The following FAM133B variants were observed in gnomAD, a reference collection of about 807,000 sequenced individuals.
FAM133B encodes family with sequence similarity 133 member B, also known as protein FAM133B.
Under a neutral mutation model 46.4 loss-of-function variants are expected in FAM133B, and 25 were observed. The ratio of observed to expected loss-of-function variants is 0.54; its 90% confidence interval spans 0.39 to 0.75. The LOEUF is 0.75. FAM133B is among the 30% of genes least tolerant of loss of function. The probability of loss-of-function intolerance (pLI) is 0.00; values close to 1 mark genes in which losing one functional copy is unlikely to be tolerated. For missense variants in FAM133B, 205 were observed against 277.6 expected (o/e 0.74, Z 1.86); for synonymous variants, 75 against 86.0 (o/e 0.87, Z 0.71).
intron 2 of FAM133B, among the ~76,000 whole-genome samples, chr7:92,579,811 A>G (rs962375171): frequency 1.3e-5 from 2 of 152,196 alleles, no homozygotes; most frequent in African/African-American, 4.8e-5. Flanking sequence ...GATGCCCTGA[A>G]ATCTATCTGA....
intron 8 of FAM133B, among the ~76,000 whole-genome samples, chr7:92,571,548 G>C (rs967501858): frequency 6.6e-6 from 1 of 152,096 alleles, no homozygotes; most frequent in African/African-American, 2.4e-5. Flanking sequence ...CCCCAGTACT[G>C]TAATAGTCAC....
chr7:92,562,804 C>A (rs118170952), intron 10 of FAM133B, among the ~76,000 whole-genome samples: 9,723 of 152,214 alleles, frequency 0.064, 395 homozygotes, highest in Non-Finnish European at 0.087. Context: ...TAAATAGGTA[C>A]ACAGGCATTG....
intron 10 of FAM133B, among the ~76,000 whole-genome samples, chr7:92,565,068 T>C (rs999227572): frequency 2.0e-5 from 3 of 152,124 alleles, no homozygotes; most frequent in African/African-American, 7.2e-5. Flanking sequence ...TTATCAAAGA[T>C]AACAGAAATC....
chr7:92,582,070 G>A (rs958820712), intron 1 of FAM133B, among the ~76,000 whole-genome samples: 7 of 152,048 alleles, frequency 4.6e-5, no homozygotes, highest in African/African-American at 1.4e-4. Flanking sequence ...CCGACGTGGT[G>A]AAACCCTGCC....
intron 3 of FAM133B, among the ~76,000 whole-genome samples, chr7:92,578,635 A>G (rs1794773096): frequency 6.6e-6 from 1 of 152,226 alleles, no homozygotes; most frequent in Non-Finnish European, 1.5e-5. Flanking sequence ...AGCAGCAGGC[A>G]TTATTACTGA....
intron 8 of FAM133B, among the ~76,000 whole-genome samples, chr7:92,571,202 C>A (rs1435659091): frequency 6.6e-6 from 1 of 152,180 alleles, no homozygotes; most frequent in African/African-American, 2.4e-5. Flanking sequence ...TTTTCTCCCA[C>A]CATGTCCAAA....
At chr7:92,577,822 G>T in intron 5 of FAM133B, 105 bp from the exon 6 acceptor site, 1 of 871,494 alleles carries the variant, frequency 1.1e-6, no homozygotes, top group Non-Finnish European at 1.8e-6. Flanking sequence ...CTGAGAAACA[G>T]ATGCCATATT....
At chr7:92,589,940 G>A (rs535879544) in intron 1 of FAM133B, 3 of 444,542 alleles carry the variant, frequency 6.7e-6, no homozygotes, top group Non-Finnish European at 4.1e-6. Context: ...GCGGGGCCAG[G>A]TGTGGGGGGG....
intron 10 of FAM133B, among the ~76,000 whole-genome samples, chr7:92,564,285 G>T (rs1484003029): frequency 1.3e-5 from 2 of 152,120 alleles, no homozygotes; most frequent in Non-Finnish European, 2.9e-5. Flanking sequence ...CACTTCCTCA[G>T]CGAGGATTTC....
chr7:92,577,398 T>C (rs547375495), intron 6 of FAM133B: 4 of 443,374 alleles, frequency 9.0e-6, no homozygotes, highest in Non-Finnish European at 3.9e-6. Context: ...TCTAGTCAAA[T>C]AGCATTTGAT....
rs772277322 is a variant in FAM133B at position 92,581,511 on chromosome 7, A to G, written c.117T>C (p.Pro39=). Residue 39 remains proline (P), a synonymous_variant, in exon 2 of 11, where the codon CCT becomes CCC. Transcript: ENST00000445716. ...TIQDYLNRPR[P]TWEEVKEQLE... is the part of the protein sequence containing the mutation. ...GTAAAGTGTTTCACAAATACCAGGT[A>G]GGCCTTGGTCGATTCAGATAATCCT... The G allele has an allele frequency of 6.2e-7, 1 of 1,611,554 alleles. No homozygotes were observed. Among genetic ancestry groups the G allele is most frequent in the African/African-American group, 1.3e-5 (1 of 75,002 alleles).
chr7:92,578,932 C>G (rs537339226), intron 3 of FAM133B, among the ~76,000 whole-genome samples: 2 of 152,048 alleles, frequency 1.3e-5, no homozygotes, highest in South Asian at 4.2e-4. Flanking sequence ...AACTGTGGTC[C>G]CAGCTGCTCA....
In FAM133B at chr7:92,578,368, T is replaced by C; in HGVS notation, c.227A>G (p.His76Arg). Residue 76 changes from histidine (H) to arginine (R), a missense_variant, in exon 4 of 11, where the codon CAC (histidine) becomes CGC (arginine). Transcript: ENST00000445716. ...ACTTCCACTTAACAATTTCTCCCTGTGTTTTTCCAGTTCTTTCTTCCAGTT... is the reference window on the plus strand; with the variant it reads ...ACTTCCACTTAACAATTTCTCCCTGCGTTTTTCCAGTTCTTTCTTCCAGTT... ...NENWKKELEK[H>R]REKLLSGSES... The C allele has an allele frequency of 1.4e-5, 22 of 1,613,546 alleles. No homozygotes were observed. The highest frequency in any genetic ancestry group is 1.8e-5 in the Non-Finnish European group (21 of 1,179,724).
rs974558127 is a variant in FAM133B, at chr7:92,562,096, T to C, written c.*186A>G. On this transcript the variant is annotated 3_prime_UTR_variant, in exon 11 of 11. Coordinates refer to ENST00000445716, the MANE Select transcript of FAM133B (RefSeq NM_152789.4). ...GCACTGGAAGAGAAAAAAATAGATG[T>C]TCAAGCAGCAGGCAACATTTATGGC... The C allele has an allele frequency of 3.0e-5, 16 of 537,692 alleles. No individual in the cohort carries two copies. Among genetic ancestry groups the C allele is most frequent in the African/African-American group, 2.7e-4 (14 of 51,752 alleles). 33.3% of individuals were successfully genotyped at this position (537,692 alleles called of 1,614,324 possible). A position where few individuals can be genotyped will look rare whatever the true frequency, so the allele number is the denominator to read the frequency against.
chr7:92,575,769 A>T lies in FAM133B; in HGVS notation c.516+2T>A. 1 of 1,365,382 alleles carries T rather than the reference A, an allele frequency of 7.3e-7. No homozygotes were observed. Among genetic ancestry groups the T allele is most frequent in the Non-Finnish European group, 1.0e-6 (1 of 963,800 alleles). The allele number at this position is 1,365,382 out of a possible 1,614,324, so 84.6% of individuals were successfully genotyped here. ...CTTAAGGCAATGTAAAAGTATAGTT[A>T]CCTTTTCTTTCTCAGTTCCATCTTT... On this transcript the variant is annotated splice_donor_variant, in intron 8 of 10. Coordinates refer to ENST00000445716, the MANE Select transcript of FAM133B (RefSeq NM_152789.4). LOFTEE classifies it high-confidence loss of function.
intron 10 of FAM133B, among the ~76,000 whole-genome samples, chr7:92,563,905 C>A (rs752939037): frequency 7.2e-5 from 11 of 152,186 alleles, no homozygotes; most frequent in Non-Finnish European, 1.3e-4. Context: ...AACTCCATTA[C>A]TATCACTGCT....
intron 1 of FAM133B, among the ~76,000 whole-genome samples, chr7:92,582,198 G>A (rs1259745661): frequency 1.3e-5 from 2 of 152,146 alleles, no homozygotes; most frequent in Non-Finnish European, 2.9e-5. Flanking sequence ...GCAGTGAGCT[G>A]AGATCGTGCC....
Position 92,567,195 on chromosome 7 carries a change from C to T in FAM133B, c.610-1134G>A, listed in dbSNP as rs547407933. Among the ~76,000 whole-genome samples the T allele has an allele frequency of 8.5e-5, 13 of 152,104 alleles. No individual in the cohort carries two copies. In the East Asian group the frequency reaches 1.7e-3, roughly 20 times the overall value. On this transcript the variant is annotated intron_variant, in intron 9 of 10. Coordinates refer to ENST00000445716, the MANE Select transcript of FAM133B (RefSeq NM_152789.4). ...CTGCACCATTGCCCTCCAGCCTGGGCGATAGAGCAAGAACCTGCCTCTAAA... is the reference window on the plus strand; with the variant it reads ...CTGCACCATTGCCCTCCAGCCTGGGTGATAGAGCAAGAACCTGCCTCTAAA...
intron 10 of FAM133B, among the ~76,000 whole-genome samples, chr7:92,563,879 C>G (rs1389955516): frequency 6.6e-6 from 1 of 152,164 alleles, no homozygotes; most frequent in Non-Finnish European, 1.5e-5. Flanking sequence ...TATCTCAAAT[C>G]CATCCTTGCC....
Sources: allele counts gnomAD v4.1 joint callset (sites outside exome capture counted in the v4.1 genomes callset), GRCh38; gene constraint gnomAD v4.1.1; transcripts MANE v1.5; gene names NCBI Gene and HGNC (gene_info 2026-07-23, HGNC 2026-07-21).